The following GLIS1 variants were observed in gnomAD, a reference collection of about 807,000 sequenced individuals.
The protein encoded by GLIS1 is GLIS family zinc finger 1.
A neutral mutation model predicts 63.8 loss-of-function variants in GLIS1; 24 were observed. The observed-to-expected ratio is 0.38, with a 90% CI of 0.27 to 0.53. GLIS1 has a LOEUF of 0.53. Among genes scored for constraint, GLIS1 ranks in the 20% least tolerant of loss-of-function variants. The pLI, the probability that GLIS1 is intolerant of heterozygous loss-of-function variation, is 0.85. For synonymous variants in GLIS1, 450 were observed against 482.5 expected (o/e 0.93, Z 0.88); for missense variants, 1,036 against 1,074.1 (o/e 0.96, Z 0.50).
intron 2 of GLIS1, among the ~76,000 whole-genome samples, chr1:53,622,226 G>A (rs1301012650): frequency 6.6e-6 from 1 of 150,870 alleles, no homozygotes; most frequent in Non-Finnish European, 1.5e-5. Flanking sequence ...TCAGGAGTTC[G>A]AGACCAGCCT....
intron 2 of GLIS1, among the ~76,000 whole-genome samples, chr1:53,655,777 C>G (rs1645959273): frequency 6.6e-6 from 1 of 152,194 alleles, no homozygotes; most frequent in Non-Finnish European, 1.5e-5. Flanking sequence ...TAACCTTGTG[C>G]TGGTTTACTT....
chr1:53,651,784 G>A (rs1043088490), intron 2 of GLIS1, among the ~76,000 whole-genome samples: 1 of 151,890 alleles, frequency 6.6e-6, no homozygotes, highest in African/African-American at 2.4e-5. Flanking sequence ...TGAGGTGGAA[G>A]GATCGCTTGA....
chr1:53,656,377 G>C (rs1204613218), intron 2 of GLIS1, among the ~76,000 whole-genome samples: 1 of 152,190 alleles, frequency 6.6e-6, no homozygotes, highest in Non-Finnish European at 1.5e-5. Context: ...AGCCGGGGAG[G>C]CTGCATTAAC....
chr1:53,623,908 TA>T (rs1645569870), intron 2 of GLIS1, among the ~76,000 whole-genome samples: 1 of 152,126 alleles, frequency 6.6e-6, no homozygotes. Flanking sequence ...AAAACCTTAA[TA>T]AATGAGGAGA....
At chr1:53,612,603 G>C (rs1645436014) in intron 2 of GLIS1, among the ~76,000 whole-genome samples, 1 of 152,108 alleles carries the variant, frequency 6.6e-6, no homozygotes, top group Non-Finnish European at 1.5e-5. Flanking sequence ...TGATCTGCCT[G>C]TCTCAGTAGC....
intron 2 of GLIS1, among the ~76,000 whole-genome samples, chr1:53,703,138 C>T (rs1047251378): frequency 2.6e-5 from 4 of 152,184 alleles, no homozygotes; most frequent in Non-Finnish European, 4.4e-5. Context: ...TGGTGGAAGC[C>T]GACGTTTACT....
intron 2 of GLIS1, among the ~76,000 whole-genome samples, chr1:53,700,109 G>A (rs1441081540): frequency 3.3e-5 from 5 of 152,190 alleles, no homozygotes; most frequent in Admixed American, 6.5e-5. Flanking sequence ...GCCACTACAC[G>A]CTCAGCCAGG....
At chr1:53,705,539 C>A (rs1173586) in intron 2 of GLIS1, among the ~76,000 whole-genome samples, 7 of 152,120 alleles carry the variant, frequency 4.6e-5, no homozygotes, top group Admixed American at 4.6e-4. Context: ...GCTAGTTAGA[C>A]GTCCTACTGA....
At chr1:53,507,201 CAAAG>C (rs1014126562) in intron 10 of GLIS1, among the ~76,000 whole-genome samples, 1 of 152,212 alleles carries the variant, frequency 6.6e-6, no homozygotes, top group African/African-American at 2.4e-5. Flanking sequence ...TCAAGAAACT[CAAAG>C]AAGGCCACCA....
At chr1:53,736,583 T>C (rs191552889) in intron 2 of GLIS1, among the ~76,000 whole-genome samples, 2 of 152,302 alleles carry the variant, frequency 1.3e-5, no homozygotes, top group East Asian at 1.9e-4. Flanking sequence ...GCAATAACAC[T>C]CAGCAGGCAT....
chr1:53,608,871 C>T (rs1176349575), intron 2 of GLIS1, among the ~76,000 whole-genome samples: 6 of 152,168 alleles, frequency 3.9e-5, no homozygotes, highest in Non-Finnish European at 8.8e-5. Flanking sequence ...AGACAGATTC[C>T]TGGCAGTTCT....
intron 2 of GLIS1, among the ~76,000 whole-genome samples, chr1:53,614,211 A>G (rs1311466158): frequency 6.6e-6 from 1 of 152,264 alleles, no homozygotes; most frequent in Non-Finnish European, 1.5e-5. Context: ...GACAGTTTCA[A>G]AAGTACACAA....
intron 2 of GLIS1, among the ~76,000 whole-genome samples, chr1:53,681,407 G>A (rs1228112826): frequency 2.6e-5 from 4 of 152,240 alleles, no homozygotes; most frequent in Non-Finnish European, 4.4e-5. Context: ...TGGCCGCCCT[G>A]CTCCCAGGAC....
chr1:53,535,868 CCTGGCATT>C (rs1373212905), intron 4 of GLIS1, among the ~76,000 whole-genome samples: 1 of 152,010 alleles, frequency 6.6e-6, no homozygotes, highest in Admixed American at 6.5e-5. Context: ...AGATCCTCAC[CCTGGCATT>C]CTGGCCAGCA....
intron 4 of GLIS1, among the ~76,000 whole-genome samples, chr1:53,570,735 A>G (rs1294390911): frequency 6.6e-6 from 1 of 152,220 alleles, no homozygotes; most frequent in Non-Finnish European, 1.5e-5. Flanking sequence ...AGGCAATCCA[A>G]CAAACGGCTC....
At chr1:53,669,102 G>T (rs1224576920) in intron 2 of GLIS1, among the ~76,000 whole-genome samples, 1 of 152,164 alleles carries the variant, frequency 6.6e-6, no homozygotes, top group African/African-American at 2.4e-5. Flanking sequence ...AGGTAAGCTG[G>T]GCCCTCCTAG....
At chr1:53,641,984 A>G (rs1359188207) in intron 2 of GLIS1, among the ~76,000 whole-genome samples, 1 of 152,184 alleles carries the variant, frequency 6.6e-6, no homozygotes, top group Admixed American at 6.5e-5. Context: ...CTCCCTGACA[A>G]GAGTGTCTGC....
At chr1:53,736,284 G>A (rs1161372743) in intron 2 of GLIS1, among the ~76,000 whole-genome samples, 2 of 152,198 alleles carry the variant, frequency 1.3e-5, no homozygotes, top group African/African-American at 4.8e-5. Flanking sequence ...GGGGTTAGGG[G>A]GAATGGAAGT....
At chr1:53,595,202 G>C (rs996207860) in intron 3 of GLIS1, among the ~76,000 whole-genome samples, 1 of 152,112 alleles carries the variant, frequency 6.6e-6, no homozygotes, top group African/African-American at 2.4e-5. Flanking sequence ...GAGAGAGGAA[G>C]AGAAGGGCTG....
Sources: allele counts gnomAD v4.1 joint callset (sites outside exome capture counted in the v4.1 genomes callset), GRCh38; gene constraint gnomAD v4.1.1; transcripts MANE v1.5; gene names NCBI Gene and HGNC (gene_info 2026-07-23, HGNC 2026-07-21).